GAREM1: variants seen among roughly 807,000 people sequenced by gnomAD.
GAREM1 encodes the protein GRB2-associated and regulator of MAPK protein 1.
GAREM1 carries 26 observed loss-of-function variants against 71.3 expected under a neutral mutation model. That is an observed-to-expected ratio of 0.36 (90% CI 0.27 to 0.51). The LOEUF is 0.51. GAREM1 is among the 20% of genes least tolerant of loss of function. GAREM1 has a pLI of 0.95. For missense variants in GAREM1, 1,026 were observed against 1,103.1 expected, an observed-to-expected ratio of 0.93 and a Z score of 0.99; for synonymous variants, 440 against 433.2, an observed-to-expected ratio of 1.02 and a Z score of -0.20.
chr18:32,297,367 T>C (rs2047152544), intron 3 of GAREM1, among the ~76,000 whole-genome samples: 1 of 152,366 alleles, frequency 6.6e-6, no homozygotes, highest in Non-Finnish European at 1.5e-5. Flanking sequence ...TCACCATCTA[T>C]TTTGCAGGCT....
intron 1 of GAREM1, among the ~76,000 whole-genome samples, chr18:32,462,654 T>C (rs1428601448): frequency 6.6e-6 from 1 of 152,246 alleles, no homozygotes; most frequent in Non-Finnish European, 1.5e-5. Context: ...GTTGCCTATG[T>C]ATTTAGGTCT....
chr18:32,345,579 A>C (rs1052618917), intron 2 of GAREM1, among the ~76,000 whole-genome samples: 2 of 152,214 alleles, frequency 1.3e-5, no homozygotes, highest in Non-Finnish European at 2.9e-5. Context: ...GGCAATGATA[A>C]TTTGGTTAAG....
At chr18:32,463,716 CAT>C (rs1461307441) in intron 1 of GAREM1, among the ~76,000 whole-genome samples, 1 of 151,730 alleles carries the variant, frequency 6.6e-6, no homozygotes, top group Non-Finnish European at 1.5e-5. Context: ...ACTACAGGCA[CAT>C]GCCACCACAC....
intron 2 of GAREM1, among the ~76,000 whole-genome samples, chr18:32,340,976 T>C (rs556293758): frequency 6.6e-6 from 1 of 152,270 alleles, no homozygotes; most frequent in Non-Finnish European, 1.5e-5. Context: ...TTGATGTGTA[T>C]TGGATTATTT....
At position 32,270,338 on chromosome 18, in the gene GAREM1, G is replaced by C. The variant is rs1402117084; in HGVS notation, c.1612C>G (p.Arg538Gly). The C allele has an allele frequency of 6.2e-7, 1 of 1,613,824 alleles. No homozygotes were observed. The highest frequency in any genetic ancestry group is 8.5e-7 in the Non-Finnish European group (1 of 1,179,946). ...RLLNAPPVPP[R>G]SAKPLSTSPS... is the part of the protein sequence containing the mutation. ...CTGGTGGACAAAGGCTTTGCGCTTCGGGGTGGAACAGGTGGGGCGTTCAGG... is the reference window on the plus strand; with the variant it reads ...CTGGTGGACAAAGGCTTTGCGCTTCCGGGTGGAACAGGTGGGGCGTTCAGG... The change falls in exon 5 of 6, where the codon CGA becomes GGA. Residue 538 changes from arginine to glycine, a missense_variant. Physicochemically the swap from Arg to Gly is moderately radical, Grantham distance 125. Transcript: ENST00000269209.
At chr18:32,343,887 A>AC (rs2047670998) in intron 2 of GAREM1, among the ~76,000 whole-genome samples, 1 of 151,076 alleles carries the variant, frequency 6.6e-6, no homozygotes, top group South Asian at 2.1e-4. Flanking sequence ...GGCACCCCCC[A>AC]CTCCCAGCTC....
intron 2 of GAREM1, among the ~76,000 whole-genome samples, chr18:32,356,794 A>C (rs1242243366): frequency 6.6e-6 from 1 of 152,172 alleles, no homozygotes; most frequent in Non-Finnish European, 1.5e-5. Flanking sequence ...CAAATCCAAA[A>C]ACCTTCAGTA....
chr18:32,263,980 G>C lies in GAREM1; in HGVS notation c.*3891C>G, dbSNP rs939634381. On this transcript the variant is annotated 3_prime_UTR_variant, in exon 6 of 6. Coordinates refer to ENST00000269209, the MANE Select transcript of GAREM1 (RefSeq NM_001242409.2). ...AAATTACAGAAGATATTTGTATATA[G>C]TTTAAACTGAAATCACGTTTATTCC... is the stretch of plus-strand genomic sequence containing the variant. 6.6e-6 allele frequency: 1 copy of C among 152,164 alleles called. No individual in the cohort carries two copies. 9.4% of individuals were successfully genotyped at this position (152,164 alleles called of 1,614,324 possible).
chr18:32,412,251 C>G (rs2048426976), intron 1 of GAREM1: 1 of 1,570,372 alleles, frequency 6.4e-7, no homozygotes, highest in Non-Finnish European at 8.7e-7. Flanking sequence ...ACTGCTGCTG[C>G]TGGAACCGCC....
At chr18:32,326,304 A>G (rs1042108208) in intron 2 of GAREM1, among the ~76,000 whole-genome samples, 3 of 152,204 alleles carry the variant, frequency 2.0e-5, no homozygotes, top group African/African-American at 7.2e-5. Flanking sequence ...TCAATCCAAG[A>G]GCAAATGCAA....
intron 2 of GAREM1, among the ~76,000 whole-genome samples, chr18:32,360,428 T>G (rs1314346269): frequency 6.6e-6 from 1 of 152,152 alleles, no homozygotes; most frequent in Non-Finnish European, 1.5e-5. Context: ...AACACTAAAA[T>G]TCAGATGGAA....
chr18:32,424,763 A>C (rs1426322075), intron 1 of GAREM1, among the ~76,000 whole-genome samples: 1 of 152,228 alleles, frequency 6.6e-6, no homozygotes, highest in African/African-American at 2.4e-5. Flanking sequence ...TAGAACTTGT[A>C]AACATCAGAT....
At chr18:32,304,294 G>C (rs141658430) in intron 3 of GAREM1, among the ~76,000 whole-genome samples, 6 of 151,716 alleles carry the variant, frequency 4.0e-5, no homozygotes, top group Non-Finnish European at 8.8e-5. Flanking sequence ...GTGACAGAGC[G>C]AGACTCTGTC....
At chr18:32,269,699 G>C (rs1318329787) in intron 5 of GAREM1, among the ~76,000 whole-genome samples, 1 of 152,130 alleles carries the variant, frequency 6.6e-6, no homozygotes, top group Non-Finnish European at 1.5e-5. Flanking sequence ...GCCAACAATG[G>C]AATGAGCTGT....
intron 3 of GAREM1, among the ~76,000 whole-genome samples, chr18:32,288,589 A>T (rs951165392): frequency 2.0e-5 from 3 of 151,798 alleles, no homozygotes; most frequent in Admixed American, 1.3e-4. Context: ...TAAATTTTTA[A>T]AATTTGAAAT....
intron 4 of GAREM1, among the ~76,000 whole-genome samples, chr18:32,278,081 G>A (rs893456864): frequency 1.3e-5 from 2 of 152,142 alleles, no homozygotes; most frequent in African/African-American, 4.8e-5. Context: ...GTTCTGTGGA[G>A]GAAACAGAAC....
Position 32,470,463 on chromosome 18 carries a change from C to A in GAREM1, c.-35G>T. Reference sequence around the variant, plus strand: ...AGCCTCCTGTCCCGCGCTCCCCCGCCGCCGCCACCGGCACCACCCGCGCCT... The same window carrying A: ...AGCCTCCTGTCCCGCGCTCCCCCGCAGCCGCCACCGGCACCACCCGCGCCT... On this transcript the variant is annotated 5_prime_UTR_variant, in exon 1 of 6. Coordinates refer to ENST00000269209, the MANE Select transcript of GAREM1 (RefSeq NM_001242409.2). The surrounding 1 kb of genome is among the most constrained non-coding windows in gnomAD (Gnocchi z 4.4). The A allele has an allele frequency of 1.6e-6, 2 of 1,281,884 alleles. No homozygotes were observed. The highest frequency in any genetic ancestry group is 2.0e-6 in the Non-Finnish European group (2 of 1,001,770). The allele number at this position is 1,281,884 out of a possible 1,614,324, so 79.4% of individuals were successfully genotyped here.
At chr18:32,278,850 C>A (rs1016032762) in intron 4 of GAREM1, among the ~76,000 whole-genome samples, 2 of 152,160 alleles carry the variant, frequency 1.3e-5, no homozygotes, top group Admixed American at 6.5e-5. Context: ...CAGTCAAAAT[C>A]CTGATTCTTA....
intron 4 of GAREM1, among the ~76,000 whole-genome samples, chr18:32,272,457 GAGC>G (rs2041476263): frequency 6.6e-6 from 1 of 152,180 alleles, no homozygotes; most frequent in South Asian, 2.1e-4. Flanking sequence ...AAAATATTCG[GAGC>G]AGCAGATTTC....
Sources: gnomAD v4.1 joint callset for allele counts (sites outside exome capture counted in the v4.1 genomes callset) on GRCh38, gnomAD v4.1.1 for gene constraint, Gnocchi (gnomAD v3.1) non-coding constraint, MANE v1.5 for transcripts, NCBI Gene and HGNC (gene_info 2026-07-23, HGNC 2026-07-21) for gene names.